PCCA: variants seen among roughly 807,000 people sequenced by gnomAD.
PCCA encodes propionyl-CoA carboxylase subunit alpha.
Under a neutral mutation model 101.3 loss-of-function variants are expected in PCCA, and 74 were observed. The ratio of observed to expected loss-of-function variants is 0.73; its 90% CI spans 0.61 to 0.89. The LOEUF (loss-of-function observed/expected upper bound fraction) is 0.89. Ranked by LOEUF, PCCA falls within the 40% of genes least tolerant of loss-of-function variation. The probability of loss-of-function intolerance (pLI) is 0.00; values close to 1 mark genes in which losing one functional copy is unlikely to be tolerated. For missense variants in PCCA, 891 were observed against 907.0 expected, an observed-to-expected ratio of 0.98 and a Z score of 0.23; for synonymous variants, 294 against 313.6, an observed-to-expected ratio of 0.94 and a Z score of 0.66.
At chr13:100,361,931 AG>A (rs1045753115) in intron 18 of PCCA, among the ~76,000 whole-genome samples, 5 of 152,190 alleles carry the variant, frequency 3.3e-5, no homozygotes, top group Admixed American at 2.0e-4. Context: ...GGGGGGAAAA[AG>A]CAATCAAGTA....
At chr13:100,429,660 G>T (rs182534693) in intron 20 of PCCA, among the ~76,000 whole-genome samples, 2 of 152,072 alleles carry the variant, frequency 1.3e-5, no homozygotes, top group African/African-American at 4.8e-5. Flanking sequence ...AGGCTGGAGT[G>T]CAGTGGTACG....
chr13:100,460,158 C>T (rs1367738072), intron 21 of PCCA, among the ~76,000 whole-genome samples: 3 of 152,144 alleles, frequency 2.0e-5, no homozygotes, highest in African/African-American at 7.2e-5. Context: ...GTTTTGTTTG[C>T]ATGTTTTGGT....
chr13:100,220,541 G>C (rs1024735233), intron 7 of PCCA, among the ~76,000 whole-genome samples: 2 of 151,966 alleles, frequency 1.3e-5, no homozygotes, highest in Non-Finnish European at 2.9e-5. Context: ...AAAGTGTTGG[G>C]ATTACAGGCA....
At chr13:100,328,404 A>ATG (rs1555421520) in intron 16 of PCCA, among the ~76,000 whole-genome samples, 18 of 144,788 alleles carry the variant, frequency 1.2e-4, no homozygotes, top group African/African-American at 4.3e-4. Flanking sequence ...TAATAATAAT[A>ATG]ATGATGATAA....
chr13:100,486,306 T>G (rs555798816), intron 21 of PCCA, among the ~76,000 whole-genome samples: 1 of 152,212 alleles, frequency 6.6e-6, no homozygotes, highest in Non-Finnish European at 1.5e-5. Context: ...CTGGGATGAC[T>G]TCTGCGGGAG....
chr13:100,480,075 A>G (rs369885729), intron 21 of PCCA, among the ~76,000 whole-genome samples: 2 of 152,210 alleles, frequency 1.3e-5, no homozygotes, highest in African/African-American at 4.8e-5. Context: ...TAATAAATTA[A>G]CAAGTCAGGG....
intron 4 of PCCA, among the ~76,000 whole-genome samples, chr13:100,153,538 CAGA>C (rs2053583821): frequency 6.6e-6 from 1 of 151,972 alleles, no homozygotes; most frequent in Non-Finnish European, 1.5e-5. Context: ...TTCTTTCTTA[CAGA>C]AGAAAACTAC....
intron 21 of PCCA, among the ~76,000 whole-genome samples, chr13:100,457,026 G>A (rs1352375561): frequency 2.0e-5 from 3 of 152,146 alleles, no homozygotes; most frequent in African/African-American, 7.2e-5. Context: ...CCTCATGCGG[G>A]CGTGACAGAG....
intron 19 of PCCA, 53 bp from the exon 20 acceptor site, chr13:100,425,580 G>A: frequency 1.6e-6 from 2 of 1,219,284 alleles, no homozygotes; most frequent in Non-Finnish European, 2.4e-6. Flanking sequence ...ATGAACTTGA[G>A]ATCAGTTTTC....
chr13:100,471,804 G>T (rs1015436078), intron 21 of PCCA, among the ~76,000 whole-genome samples: 10 of 152,228 alleles, frequency 6.6e-5, no homozygotes, highest in African/African-American at 2.4e-4. Flanking sequence ...CGTAAGCCTG[G>T]ATCTTCCCAA....
intron 21 of PCCA, among the ~76,000 whole-genome samples, chr13:100,496,587 G>A (rs2085295928): frequency 6.6e-6 from 1 of 152,020 alleles, no homozygotes; most frequent in Non-Finnish European, 1.5e-5. Context: ...GCATCACTTT[G>A]ATCATTTGGT....
intron 7 of PCCA, among the ~76,000 whole-genome samples, chr13:100,216,913 A>G (rs1315685347): frequency 6.6e-6 from 1 of 151,578 alleles, no homozygotes; most frequent in African/African-American, 2.4e-5. Context: ...GTTCAAGATC[A>G]GCCTGATCAA....
chr13:100,094,214 G>A (rs2046552572), intron 1 of PCCA, among the ~76,000 whole-genome samples: 1 of 138,320 alleles, frequency 7.2e-6, no homozygotes, highest in African/African-American at 2.7e-5. Context: ...GGCAACAAGA[G>A]CGAAAATCTG....
At chr13:100,413,465 A>G (rs2152874137) in intron 19 of PCCA, among the ~76,000 whole-genome samples, 1 of 152,308 alleles carries the variant, frequency 6.6e-6, no homozygotes, top group East Asian at 1.9e-4. Context: ...AATGGAGGAG[A>G]TATTAGTGAA....
At chr13:100,117,288 A>G (rs2048880464) in intron 4 of PCCA, among the ~76,000 whole-genome samples, 1 of 152,206 alleles carries the variant, frequency 6.6e-6, no homozygotes, top group Non-Finnish European at 1.5e-5. Context: ...AAAAATTAGA[A>G]AAGTAGTACC....
chr13:100,413,704 A>T (rs971329933), intron 19 of PCCA, among the ~76,000 whole-genome samples: 1 of 152,204 alleles, frequency 6.6e-6, no homozygotes, highest in East Asian at 1.9e-4. Context: ...GAAAATGGAC[A>T]CATGAACAAT....
chr13:100,294,985 A>G (rs757526151), intron 12 of PCCA, among the ~76,000 whole-genome samples: 9 of 152,282 alleles, frequency 5.9e-5, no homozygotes, highest in Non-Finnish European at 1.3e-4. Flanking sequence ...TCTGTCACCC[A>G]GGCTGTCACT....
chr13:100,499,909 C>G (rs896773962), intron 21 of PCCA, among the ~76,000 whole-genome samples: 1 of 152,066 alleles, frequency 6.6e-6, no homozygotes, highest in Admixed American at 6.5e-5. Flanking sequence ...TTATTGGCCA[C>G]AGTTTTGAAG....
intron 19 of PCCA, among the ~76,000 whole-genome samples, chr13:100,419,771 C>T (rs1445945274): frequency 6.6e-6 from 1 of 152,172 alleles, no homozygotes; most frequent in Non-Finnish European, 1.5e-5. Flanking sequence ...AAGGAAAGAG[C>T]ATGGCTGGTT....
Sources: gnomAD v4.1 joint callset for allele counts (sites outside exome capture counted in the v4.1 genomes callset) on GRCh38, gnomAD v4.1.1 for gene constraint, MANE v1.5 for transcripts, NCBI Gene and HGNC (gene_info 2026-07-23, HGNC 2026-07-21) for gene names.